Variants in C12orf57 observed in about 807,000 individuals in gnomAD.
C12orf57 encodes chromosome 12 open reading frame 57.
C12orf57 carries 14 observed loss-of-function variants against 11.3 expected under a neutral mutation model. The ratio of observed to expected loss-of-function variants is 1.24; its 90% CI spans 0.82 to 1.94. The LOEUF (loss-of-function observed/expected upper bound fraction) is 1.94, where lower values mean the gene tolerates loss of function less well. C12orf57 is among the 30% of genes most tolerant of loss of function. The pLI, the probability that C12orf57 is intolerant of heterozygous loss-of-function variation, is 0.00. For synonymous variants in C12orf57, 100 were observed against 74.6 expected (o/e 1.34, Z -1.76); for missense variants, 229 against 172.4 (o/e 1.33, Z -1.84).
Position 6,945,928 on chromosome 12 carries a change from G to A in C12orf57, c.*6G>A, listed in dbSNP as rs1555146565. The A allele has an allele frequency of 6.2e-7, 1 of 1,609,338 alleles. No homozygotes were observed. The highest frequency in any genetic ancestry group is 8.5e-7 in the Non-Finnish European group (1 of 1,179,332). ...GCAGCGTGGCCGCCTCCTGAGAGTT[G>A]GCCCTCCCTTGTGCCACTGCCAGGG... On this transcript the variant is annotated 3_prime_UTR_variant, in exon 3 of 3. Transcript: ENST00000229281.
upstream of C12orf57, chr12:6,943,502 G>A (rs782757696): frequency 5.5e-6 from 7 of 1,274,554 alleles, no homozygotes; most frequent in East Asian, 2.8e-4. Flanking sequence ...AGGAAACTGC[G>A]ACAACGGCTT....
chr12:6,943,607 C>T (rs1555145327), upstream of C12orf57: 1 of 1,289,792 alleles, frequency 7.8e-7, no homozygotes, highest in Non-Finnish European at 1.0e-6. Context: ...CAGCACCGAA[C>T]TCATTTGCAT....
In C12orf57 at chr12:6,944,588, G is replaced by T. The variant is rs1201784165; in HGVS notation, c.165G>T (p.Leu55=). The change falls in exon 2 of 3, where the codon CTG becomes CTT. Residue 55 remains leucine, a synonymous_variant. Coordinates refer to ENST00000229281, the MANE Select transcript of C12orf57 (RefSeq NM_138425.4). ...NDMGKMLQFV[L]PVATQIQQEV... is the part of the protein sequence containing the mutation. ...TGGGTAAGATGCTGCAATTCGTGCT[G>T]CCCGTGGCCACGCAGATCCAGCAGG... 8.7e-6 allele frequency: 14 copies of T among 1,614,078 alleles called. No homozygotes were observed. Among genetic ancestry groups the T allele is most frequent in the African/African-American group, 4.0e-5 (3 of 74,948 alleles).
At chr12:6,943,792 T>C (rs1247417625), upstream of C12orf57, 9 of 936,078 alleles carry the variant, frequency 9.6e-6, no homozygotes, top group Admixed American at 3.4e-5. Context: ...TTATATCCCA[T>C]CTTCTCTCCA....
At chr12:6,943,941 G>A (rs112228671), upstream of C12orf57, 1,411 of 1,425,170 alleles carry the variant, frequency 9.9e-4, 14 homozygotes, top group South Asian at 0.012. Flanking sequence ...GGTAGTTTTG[G>A]TGGTCTTGAT....
In C12orf57 at chr12:6,944,500, C is replaced by A; in HGVS notation, c.77C>A (p.Ala26Glu). The change falls in exon 2 of 3, where the codon GCG (alanine) becomes GAG (glutamate). Residue 26 changes from alanine (A) to glutamate (E), a missense_variant. Ala to Glu is a moderately radical substitution (Grantham distance 107). Coordinates refer to ENST00000229281, the MANE Select transcript of C12orf57 (RefSeq NM_138425.4). The stretch of plus-strand genomic sequence containing the variant: ...GTGGTCCTCGCGGAGGTGATCCAGG[C>A]GTTCTCCGCCCCGGAGAATGCAGTG... ...AKVVLAEVIQAFSAPENAVRM... is the reference protein window; with the variant it reads ...AKVVLAEVIQEFSAPENAVRM... The A allele has an allele frequency of 6.2e-7, 1 of 1,612,966 alleles. No individual in the cohort carries two copies. Among genetic ancestry groups the A allele is most frequent in the Non-Finnish European group, 8.5e-7 (1 of 1,179,938 alleles).
chr12:6,945,759 TC>T lies in C12orf57; in HGVS notation c.230-9del, dbSNP rs782534827. The stretch of plus-strand genomic sequence containing the variant: ...CTTAGGAGAAGGGTTGACCTTCCAC[TC>T]CCTCTTGCAGGTGTCCTTAAGTTTG... On this transcript the variant is annotated splice_polypyrimidine_tract_variant and intron_variant, in intron 2 of 2. Coordinates refer to ENST00000229281, the MANE Select transcript of C12orf57 (RefSeq NM_138425.4). 3.1e-6 allele frequency: 5 copies of T among 1,613,056 alleles called. No homozygotes were observed. Among genetic ancestry groups the T allele is most frequent in the Non-Finnish European group, 4.2e-6 (5 of 1,179,612 alleles).
chr12:6,944,418 GCTGT>G (rs1443043323), intron 1 of C12orf57, 54 bp from the exon 2 acceptor site: 4 of 1,581,976 alleles, frequency 2.5e-6, no homozygotes, highest in Non-Finnish European at 3.4e-6. Flanking sequence ...CGCTGGGCCC[GCTGT>G]CTGTTCTCCG....
upstream of C12orf57, chr12:6,943,589 C>CAACCA (rs1565572200): frequency 2.3e-6 from 3 of 1,289,636 alleles, no homozygotes; most frequent in Non-Finnish European, 3.0e-6. Context: ...GCTGCTTTCT[C>CAACCA]AACCAATCAG....
At chr12:6,943,500 G>A (rs1555145281), upstream of C12orf57, 2 of 1,274,014 alleles carry the variant, frequency 1.6e-6, no homozygotes, top group Admixed American at 2.6e-5. Flanking sequence ...TTAGGAAACT[G>A]CGACAACGGC....
At chr12:6,943,654 A>G (rs1945684831), upstream of C12orf57, 13 of 1,287,990 alleles carry the variant, frequency 1.0e-5, no homozygotes, top group Non-Finnish European at 1.2e-5. Flanking sequence ...CTAGAAATGA[A>G]TGACTTAAGT....
intron 2 of C12orf57, chr12:6,944,864 C>G: frequency 7.1e-7 from 1 of 1,416,100 alleles, no homozygotes; most frequent in Non-Finnish European, 9.2e-7. Flanking sequence ...GTTCTGTATC[C>G]CTTACCCGAA....
At chr12:6,943,952 G>T, upstream of C12orf57, 2 of 1,485,758 alleles carry the variant, frequency 1.3e-6, no homozygotes, top group East Asian at 2.3e-5. Context: ...TGGTCTTGAT[G>T]CAGTTGTAAG....
intron 2 of C12orf57, among the ~76,000 whole-genome samples, chr12:6,945,557 A>G (rs1168236878): frequency 6.6e-6 from 1 of 151,996 alleles, no homozygotes; most frequent in Non-Finnish European, 1.5e-5. Flanking sequence ...CTGCCTTGGG[A>G]CATTTTCATT....
upstream of C12orf57, chr12:6,943,928 A>G (rs77181224): frequency 2.0e-3 from 2,625 of 1,325,892 alleles, 50 homozygotes; most frequent in African/African-American, 0.034. Context: ...TGCAAAAATT[A>G]TGGGTAGTTT....
rs1316615247 is a variant in C12orf57 at position 6,944,165 on chromosome 12, A to G, written c.44A>G (p.Gln15Arg). ...STQPAALSAE[Q>R]AKVVLAEVIQ... ...CAACCGGCGGCCTTGAGCGCTGAGC[A>G]AGCAAAGGGTGAGAATCGTCCTAGT... The change falls in exon 1 of 3, where the codon CAA becomes CGA. Residue 15 changes from glutamine to arginine, a missense_variant. Gln to Arg is a conservative substitution (Grantham distance 43, BLOSUM62 1). Transcript: ENST00000229281. The G allele has an allele frequency of 1.9e-6, 3 of 1,614,188 alleles. No individual in the cohort carries two copies. The highest frequency in any genetic ancestry group is 3.3e-5 in the Admixed American group (2 of 60,028).
At chr12:6,943,668 T>C, upstream of C12orf57, 1 of 1,284,418 alleles carries the variant, frequency 7.8e-7, no homozygotes, top group Non-Finnish European at 1.0e-6. Flanking sequence ...CTTAAGTAAG[T>C]TCCTTAGAAT....
Position 6,944,088 on chromosome 12 carries a change from T to G in C12orf57, c.-34T>G, listed in dbSNP as rs781856371. 5.0e-6 allele frequency: 8 copies of G among 1,614,062 alleles called. No individual in the cohort carries two copies. In the South Asian group the frequency reaches 8.8e-5, roughly 18 times the overall value. ...GGCTCTTTATTCGTGAGTTTTCCAT[T>G]TACCTCCGCTGAACCTAGAGCTTCA... On this transcript the variant is annotated 5_prime_UTR_variant, in exon 1 of 3. In the 5' UTR this introduces an upstream ATG that the reference lacks. Transcript: ENST00000229281.
Position 6,944,458 on chromosome 12 carries a change from G to T in C12orf57, c.53-18G>T. On this transcript the variant is annotated intron_variant, in intron 1 of 2. Transcript: ENST00000229281. Reference sequence around the variant, plus strand: ...ACGCCTACCCGGGACGCCTCCCTGGGATGCTTCTGGCGCGCAGTGGTCCTC... The same window carrying T: ...ACGCCTACCCGGGACGCCTCCCTGGTATGCTTCTGGCGCGCAGTGGTCCTC... 1 of 1,609,188 alleles carries T rather than the reference G, an allele frequency of 6.2e-7. No individual in the cohort carries two copies. Among genetic ancestry groups the T allele is most frequent in the East Asian group, 2.2e-5 (1 of 44,758 alleles).
Sources: gnomAD v4.1 joint callset for allele counts (sites outside exome capture counted in the v4.1 genomes callset) on GRCh38, gnomAD v4.1.1 for gene constraint, MANE v1.5 for transcripts, NCBI Gene and HGNC (gene_info 2026-07-23, HGNC 2026-07-21) for gene names.